Variants in MYBL2 observed in about 807,000 individuals in gnomAD.
MYBL2 encodes MYB proto-oncogene like 2.
In MYBL2, 28 loss-of-function variants were observed where a neutral mutation model predicts 79.9. The observed-to-expected ratio is 0.35, with a 90% CI of 0.26 to 0.48. The LOEUF is 0.48. MYBL2 is among the 20% of genes least tolerant of loss of function. MYBL2 has a pLI of 0.99. For missense variants in MYBL2, 735 were observed against 893.9 expected (o/e 0.82, Z 2.27); for synonymous variants, 378 against 361.2 (o/e 1.05, Z -0.53).
chr20:43,689,782 G>C (rs775783504), intron 5 of MYBL2, among the ~76,000 whole-genome samples: 18 of 152,222 alleles, frequency 1.2e-4, no homozygotes, highest in Admixed American at 2.6e-4. Flanking sequence ...TGGATCCCCA[G>C]TGCCTACAAT....
chr20:43,678,857 C>CAAA (rs762645852), intron 2 of MYBL2, among the ~76,000 whole-genome samples: 12 of 19,204 alleles, frequency 6.2e-4, no homozygotes, highest in African/African-American at 3.0e-3. Flanking sequence ...AACTCCGTCT[C>CAAA]AAAAAAAAAA....
intron 1 of MYBL2, among the ~76,000 whole-genome samples, chr20:43,667,577 T>A (rs1986748999): frequency 6.6e-6 from 1 of 151,954 alleles, no homozygotes; most frequent in East Asian, 1.9e-4. Flanking sequence ...GGCCAAGCCG[T>A]GCATGATGTC....
Position 43,711,617 on chromosome 20 carries a change from G to A in MYBL2, c.1719+16G>A, listed in dbSNP as rs766452274. On this transcript the variant is annotated intron_variant, in intron 11 of 13. Coordinates refer to ENST00000217026, the MANE Select transcript of MYBL2 (RefSeq NM_002466.4). The stretch of plus-strand genomic sequence containing the variant: ...GAAGCCTGGGGTGAGTAGGGTAGGG[G>A]TGGGAGAGCCTGGGCAGGGGGAATT... 6.2e-7 allele frequency: 1 copy of A among 1,603,010 alleles called. No individual in the cohort carries two copies. The highest frequency in any genetic ancestry group is 1.1e-5 in the South Asian group (1 of 89,602).
In MYBL2 at chr20:43,686,069, A is replaced by T. The variant is rs141728827; in HGVS notation, c.280-783A>T. ...AATAAATAAAAAATAAAAAGTGAAA[A>T]CATAAAATCTTTAAAAAAAAAAATC... is the stretch of plus-strand genomic sequence containing the variant. On this transcript the variant is annotated intron_variant, in intron 4 of 13. Coordinates refer to ENST00000217026, the MANE Select transcript of MYBL2 (RefSeq NM_002466.4). 6.0e-4 allele frequency among the ~76,000 whole-genome samples: 91 copies of T among 152,156 alleles called. No individual in the cohort carries two copies. The East Asian group carries it at 0.016, about 26-fold the overall frequency.
intron 5 of MYBL2, among the ~76,000 whole-genome samples, chr20:43,688,186 CTT>C (rs747033784): frequency 2.6e-4 from 39 of 151,738 alleles, no homozygotes; most frequent in Middle Eastern, 6.8e-3. Context: ...TTCTGGCACT[CTT>C]TTTTTATTTT....
intron 1 of MYBL2, among the ~76,000 whole-genome samples, chr20:43,673,425 C>A (rs1291214640): frequency 6.6e-6 from 1 of 151,628 alleles, no homozygotes; most frequent in African/African-American, 2.4e-5. Flanking sequence ...TTGCTTGAGC[C>A]CAGGAGTTCA....
At position 43,709,973 on chromosome 20, in the gene MYBL2, C is replaced by T; in HGVS notation, c.1516C>T (p.Pro506Ser). The T allele has an allele frequency of 1.2e-6, 2 of 1,606,084 alleles. No homozygotes were observed. The highest frequency in any genetic ancestry group is 1.7e-6 in the Non-Finnish European group (2 of 1,176,214). Residue 506 changes from proline to serine, a missense_variant, in exon 10 of 14, where the codon CCA becomes TCA. By Grantham distance (74) the Pro-to-Ser change is moderately conservative. Transcript: ENST00000217026. ...LHQKHAAFVTPDQKYSMDNTP... is the reference protein window; with the variant it reads ...LHQKHAAFVTSDQKYSMDNTP... ...TCTGGCCCCTGGCAGGTTTGTAACC[C>T]CAGATCAGAAGTACTCCATGGACAA...
At chr20:43,704,834 G>T (rs558113399) in intron 8 of MYBL2, among the ~76,000 whole-genome samples, 1 of 152,242 alleles carries the variant, frequency 6.6e-6, no homozygotes, top group East Asian at 1.9e-4. Flanking sequence ...TAACCCCACC[G>T]CCACCAGCAC....
At position 43,709,849 on chromosome 20, in the gene MYBL2, G is replaced by A. The variant is rs371913099; in HGVS notation, c.1506-114G>A. ...TGCAGGGTGGGGAGAGGGATGGGAC[G>A]AGAACCTGTGCTGGGGCCAAAGGTC... On this transcript the variant is annotated intron_variant, in intron 9 of 13. Transcript: ENST00000217026. The A allele has an allele frequency of 4.9e-5, 41 of 836,450 alleles. No individual in the cohort carries two copies. The African/African-American group carries it at 6.4e-4, about 13-fold the overall frequency. 51.8% of individuals were successfully genotyped at this position (836,450 alleles called of 1,614,324 possible). A position where few individuals can be genotyped will look rare whatever the true frequency, so the allele number is the denominator to read the frequency against.
chr20:43,709,894 C>T (rs1169464320), intron 9 of MYBL2, 69 bp from the exon 10 acceptor site: 2 of 1,300,602 alleles, frequency 1.5e-6, no homozygotes, highest in Admixed American at 2.0e-5. Flanking sequence ...GAAGGTGGAG[C>T]CAGGGCAGCA....
chr20:43,709,367 C>T (rs1419655328), intron 9 of MYBL2, among the ~76,000 whole-genome samples: 1 of 152,230 alleles, frequency 6.6e-6, no homozygotes, highest in East Asian at 1.9e-4. Flanking sequence ...TTTCTGCCCC[C>T]CTGCTCTAGG....
At chr20:43,712,042 C>T (rs971082286) in intron 11 of MYBL2, among the ~76,000 whole-genome samples, 5 of 151,106 alleles carry the variant, frequency 3.3e-5, no homozygotes, top group Non-Finnish European at 7.4e-5. Context: ...CGGGATGAGC[C>T]AGCCAGGCCA....
At chr20:43,703,617 C>T (rs533367233) in intron 8 of MYBL2, among the ~76,000 whole-genome samples, 3 of 152,134 alleles carry the variant, frequency 2.0e-5, no homozygotes, top group South Asian at 4.2e-4. Flanking sequence ...TGGGGGGTGG[C>T]GCAGGGCCTT....
At chr20:43,709,202 A>G (rs1232824122) in intron 9 of MYBL2, among the ~76,000 whole-genome samples, 1 of 152,126 alleles carries the variant, frequency 6.6e-6, no homozygotes, top group African/African-American at 2.4e-5. Context: ...AGAGTCAGCC[A>G]TGGTGGTATC....
rs557403893 is a variant in MYBL2, at chr20:43,688,270, G to A, written c.500+1198G>A. 6.0e-5 allele frequency among the ~76,000 whole-genome samples: 9 copies of A among 149,744 alleles called. No individual in the cohort carries two copies. The East Asian group carries it at 1.0e-3, about 17-fold the overall frequency. On this transcript the variant is annotated intron_variant, in intron 5 of 13. Coordinates refer to ENST00000217026, the MANE Select transcript of MYBL2 (RefSeq NM_002466.4). Reference sequence around the variant, plus strand: ...AGGCTGGAGTGCAGTGGCGTGATCCGGGCTCACTGCAACCTCTGCCTCCCA... The same window carrying A: ...AGGCTGGAGTGCAGTGGCGTGATCCAGGCTCACTGCAACCTCTGCCTCCCA...
chr20:43,708,942 C>T (rs1478527240), intron 9 of MYBL2, among the ~76,000 whole-genome samples: 2 of 152,198 alleles, frequency 1.3e-5, no homozygotes, highest in Non-Finnish European at 2.9e-5. Flanking sequence ...CTGTGTGTCC[C>T]AGATGGGGGA....
chr20:43,710,386 T>C (rs1201669603), intron 10 of MYBL2, among the ~76,000 whole-genome samples: 1 of 152,170 alleles, frequency 6.6e-6, no homozygotes, highest in Non-Finnish European at 1.5e-5. Flanking sequence ...AGATAAGCAC[T>C]GGGCCTAGTT....
chr20:43,712,238 C>G (rs546038733), intron 11 of MYBL2, among the ~76,000 whole-genome samples: 9 of 152,284 alleles, frequency 5.9e-5, no homozygotes, highest in Admixed American at 5.9e-4. Context: ...CCCTTCGAGT[C>G]TCCTAGTGCT....
chr20:43,687,831 C>G (rs1342801091), intron 5 of MYBL2, among the ~76,000 whole-genome samples: 1 of 151,894 alleles, frequency 6.6e-6, no homozygotes, highest in Admixed American at 6.6e-5. Flanking sequence ...GCCTGGCCAA[C>G]ACAGTGAAGC....
Sources: allele counts gnomAD v4.1 joint callset (sites outside exome capture counted in the v4.1 genomes callset), GRCh38; gene constraint gnomAD v4.1.1; transcripts MANE v1.5; gene names NCBI Gene and HGNC (gene_info 2026-07-23, HGNC 2026-07-21).